Variants in DLG1 observed in about 807,000 individuals in gnomAD.
The protein encoded by DLG1 is discs large MAGUK scaffold protein 1.
Under a neutral mutation model 123.4 loss-of-function variants are expected in DLG1, and 42 were observed. That is an observed-to-expected ratio of 0.34 (90% CI 0.27 to 0.44). The LOEUF (loss-of-function observed/expected upper bound fraction) is 0.44. Among genes scored for constraint, DLG1 ranks in the 20% least tolerant of loss-of-function variants. DLG1 has a pLI of 1.00. For missense variants in DLG1, 942 were observed against 1,082.6 expected, an observed-to-expected ratio of 0.87 and a Z score of 1.82; for synonymous variants, 317 against 356.2, an observed-to-expected ratio of 0.89 and a Z score of 1.24.
In DLG1 at chr3:197,297,235, C is replaced by A. The variant is rs754827427; in HGVS notation, c.-31G>T. 3.1e-6 allele frequency: 5 copies of A among 1,613,918 alleles called. No individual in the cohort carries two copies. The highest frequency in any genetic ancestry group is 1.7e-5 in the Admixed American group (1 of 60,022). On this transcript the variant is annotated splice_region_variant and 5_prime_UTR_variant, in exon 2 of 25. Coordinates refer to ENST00000667157, the MANE Select transcript of DLG1 (RefSeq NM_001366207.1). ...TCCAGAATCAGGAAGAGGGCACACA[C>A]CTTTAAAACACACAACGGAAAGGAA...
chr3:197,188,904 A>G (rs974642555), intron 5 of DLG1, among the ~76,000 whole-genome samples: 2 of 152,204 alleles, frequency 1.3e-5, no homozygotes, highest in Admixed American at 6.5e-5. Context: ...ACAAAAAGTT[A>G]AAGGAACCCT....
At chr3:197,245,306 T>C (rs1461732611) in intron 4 of DLG1, among the ~76,000 whole-genome samples, 1 of 152,172 alleles carries the variant, frequency 6.6e-6, no homozygotes, top group Non-Finnish European at 1.5e-5. Flanking sequence ...AACTACATTG[T>C]TGGTGGTTGC....
intron 4 of DLG1, among the ~76,000 whole-genome samples, chr3:197,208,258 T>C (rs1430571220): frequency 6.8e-6 from 1 of 146,776 alleles, no homozygotes; most frequent in East Asian, 2.0e-4. Flanking sequence ...TAACATACTA[T>C]ATACTGATGA....
intron 18 of DLG1, among the ~76,000 whole-genome samples, chr3:197,072,191 G>A (rs757223745): frequency 2.0e-5 from 3 of 151,600 alleles, no homozygotes; most frequent in African/African-American, 7.3e-5. Context: ...TTTTACCACG[G>A]TTTTTTTTAT....
chr3:197,047,908 TG>T (rs1311053620), intron 24 of DLG1, among the ~76,000 whole-genome samples: 1 of 151,162 alleles, frequency 6.6e-6, no homozygotes, highest in Non-Finnish European at 1.5e-5. Context: ...AATCATCAAG[TG>T]GGATATTAAA....
At chr3:197,057,825 C>G (rs907911988) in intron 23 of DLG1, among the ~76,000 whole-genome samples, 2 of 151,918 alleles carry the variant, frequency 1.3e-5, no homozygotes, top group Non-Finnish European at 2.9e-5. Flanking sequence ...GATATGCCTT[C>G]TTTCTTTTCT....
At chr3:197,111,535 T>A (rs1769989453) in intron 13 of DLG1, among the ~76,000 whole-genome samples, 1 of 152,264 alleles carries the variant, frequency 6.6e-6, no homozygotes, top group African/African-American at 2.4e-5. Context: ...CTTATCATAC[T>A]GTAACTTAAA....
intron 5 of DLG1, among the ~76,000 whole-genome samples, chr3:197,191,005 A>G (rs1222598817): frequency 6.6e-6 from 1 of 151,974 alleles, no homozygotes; most frequent in Non-Finnish European, 1.5e-5. Context: ...GCGAGACTTC[A>G]ACTCAAACAA....
At chr3:197,198,271 C>T (rs902121638) in intron 4 of DLG1, among the ~76,000 whole-genome samples, 3 of 152,178 alleles carry the variant, frequency 2.0e-5, no homozygotes, top group African/African-American at 7.2e-5. Flanking sequence ...GGGCAGATCA[C>T]GAGGTCAGGA....
chr3:197,074,133 TCA>T (rs1315793373), intron 18 of DLG1, among the ~76,000 whole-genome samples: 5 of 152,118 alleles, frequency 3.3e-5, no homozygotes, highest in Non-Finnish European at 4.4e-5. Flanking sequence ...ATAACCTCCA[TCA>T]TATCCAGTTT....
At chr3:197,113,118 T>C (rs992387448) in intron 13 of DLG1, among the ~76,000 whole-genome samples, 1 of 152,220 alleles carries the variant, frequency 6.6e-6, no homozygotes, top group African/African-American at 2.4e-5. Flanking sequence ...GATATCTAGG[T>C]ATTATAGCAC....
intron 5 of DLG1, among the ~76,000 whole-genome samples, chr3:197,151,394 C>G (rs368185152): frequency 2.0e-5 from 3 of 152,132 alleles, no homozygotes; most frequent in Non-Finnish European, 4.4e-5. Context: ...TCAGTACCAA[C>G]TCATCATCAT....
intron 14 of DLG1, among the ~76,000 whole-genome samples, chr3:197,094,535 C>T (rs1560617808): frequency 6.6e-6 from 1 of 152,202 alleles, no homozygotes; most frequent in Non-Finnish European, 1.5e-5. Context: ...ATTCTGTTTT[C>T]ATATTATCCT....
At chr3:197,089,325 G>A (rs1182229403) in intron 15 of DLG1, among the ~76,000 whole-genome samples, 1 of 152,032 alleles carries the variant, frequency 6.6e-6, no homozygotes, top group Non-Finnish European at 1.5e-5. Context: ...TCAGGAGATC[G>A]AGACCAGCCT....
At chr3:197,089,190 G>T (rs1468034372) in intron 15 of DLG1, among the ~76,000 whole-genome samples, 1 of 152,192 alleles carries the variant, frequency 6.6e-6, no homozygotes, top group Non-Finnish European at 1.5e-5. Context: ...GCTGGTGCCG[G>T]TGACAGTTGT....
chr3:197,226,278 A>C (rs1739879927), intron 4 of DLG1: 1 of 152,166 alleles, frequency 6.6e-6, no homozygotes, highest in Admixed American at 6.5e-5. Context: ...TATCCTTAAA[A>C]TGTAATCCAG....
intron 11 of DLG1, among the ~76,000 whole-genome samples, chr3:197,120,582 CTCT>C (rs1423812610): frequency 6.6e-6 from 1 of 152,172 alleles, no homozygotes; most frequent in African/African-American, 2.4e-5. Context: ...AAGCATTAAT[CTCT>C]TTTTTATTAA....
chr3:197,081,129 T>C lies in DLG1; in HGVS notation c.1839-12A>G, dbSNP rs201106444. The stretch of plus-strand genomic sequence containing the variant: ...CTTTCTTCTCAACTCTGTCAAAGTA[T>C]AGAATGTTATTTTTTAAGTAAACCA... On this transcript the variant is annotated splice_polypyrimidine_tract_variant and intron_variant, in intron 16 of 24. Transcript: ENST00000667157. The C allele has an allele frequency of 5.8e-5, 94 of 1,607,498 alleles. No homozygotes were observed. The highest frequency in any genetic ancestry group is 1.7e-4 in the Middle Eastern group (1 of 6,048).
At chr3:197,142,588 A>G (rs905641804) in intron 7 of DLG1, 130 bp downstream of exon 7, 3 of 580,296 alleles carry the variant, frequency 5.2e-6, no homozygotes, top group Admixed American at 4.2e-5. Context: ...TACCTTGGCC[A>G]ATTTTATGAA....
Sources: allele counts gnomAD v4.1 joint callset (sites outside exome capture counted in the v4.1 genomes callset), GRCh38; gene constraint gnomAD v4.1.1; transcripts MANE v1.5; gene names NCBI Gene and HGNC (gene_info 2026-07-23, HGNC 2026-07-21).